The following CTNNBL1 variants were observed in gnomAD, a reference collection of about 807,000 sequenced individuals.
CTNNBL1 encodes the protein beta-catenin-like protein 1.
In CTNNBL1, 31 loss-of-function variants were observed where a neutral mutation model predicts 72.7. The ratio of observed to expected loss-of-function variants is 0.43; its 90% CI spans 0.32 to 0.58. CTNNBL1 has a LOEUF of 0.58. Among genes scored for constraint, CTNNBL1 ranks in the 20% least tolerant of loss-of-function variants. The probability of loss-of-function intolerance (pLI) is 0.08; values close to 1 mark genes in which losing one functional copy is unlikely to be tolerated. For synonymous variants in CTNNBL1, 240 were observed against 267.3 expected, an observed-to-expected ratio of 0.90 and a Z score of 1.00; for missense variants, 534 against 725.1, an observed-to-expected ratio of 0.74 and a Z score of 3.03.
At chr20:37,704,046 G>A (rs1480461387) in intron 1 of CTNNBL1, among the ~76,000 whole-genome samples, 1 of 152,084 alleles carries the variant, frequency 6.6e-6, no homozygotes, top group Admixed American at 6.6e-5. Context: ...CAAAGTGCTG[G>A]GATTACAGGC....
At chr20:37,779,370 T>C in intron 10 of CTNNBL1, 35 bp downstream of exon 10, 1 of 1,605,684 alleles carries the variant, frequency 6.2e-7, no homozygotes, top group Non-Finnish European at 8.5e-7. Context: ...CCCACCTTTT[T>C]TGCCTGACTT....
chr20:37,754,503 A>G (rs2073347164), intron 4 of CTNNBL1, among the ~76,000 whole-genome samples: 1 of 152,178 alleles, frequency 6.6e-6, no homozygotes, highest in Non-Finnish European at 1.5e-5. Flanking sequence ...TGCATATTAA[A>G]TAAGCATTTG....
chr20:37,776,305 G>A (rs238300), intron 7 of CTNNBL1, among the ~76,000 whole-genome samples: 78,483 of 152,078 alleles, frequency 0.52, 22,922 homozygotes, highest in East Asian at 0.83. Flanking sequence ...AAACTGAAAT[G>A]ATACTGAATA....
At chr20:37,746,842 T>C (rs1233725853) in intron 4 of CTNNBL1, among the ~76,000 whole-genome samples, 1 of 152,266 alleles carries the variant, frequency 6.6e-6, no homozygotes, top group East Asian at 1.9e-4. Context: ...TATTTGCTCT[T>C]ATTAGTACTA....
chr20:37,747,217 A>G (rs781124634), intron 4 of CTNNBL1, among the ~76,000 whole-genome samples: 3 of 152,062 alleles, frequency 2.0e-5, no homozygotes, highest in Non-Finnish European at 4.4e-5. Context: ...ATCTCTAAAA[A>G]TATAAAAATT....
chr20:37,822,127 G>T (rs1000239139), intron 11 of CTNNBL1, among the ~76,000 whole-genome samples: 2 of 152,188 alleles, frequency 1.3e-5, no homozygotes, highest in African/African-American at 2.4e-5. Flanking sequence ...TGTATTTTCT[G>T]CTTCCTGTGC....
intron 4 of CTNNBL1, among the ~76,000 whole-genome samples, chr20:37,756,847 A>G (rs561367334): frequency 1.5e-4 from 23 of 150,728 alleles, no homozygotes; most frequent in South Asian, 6.3e-4. Flanking sequence ...AGGTCTCACT[A>G]TGTTGCCCAG....
intron 1 of CTNNBL1, among the ~76,000 whole-genome samples, chr20:37,707,384 C>G (rs559010820): frequency 3.7e-4 from 56 of 152,338 alleles, no homozygotes; most frequent in African/African-American, 1.2e-3. Flanking sequence ...TTCTGACTAA[C>G]TTGCTGCAGC....
chr20:37,830,981 C>T (rs2072204173), intron 11 of CTNNBL1, among the ~76,000 whole-genome samples: 1 of 152,160 alleles, frequency 6.6e-6, no homozygotes. Flanking sequence ...AAATCAGGAA[C>T]CATCTGTATT....
At chr20:37,870,957 G>C (rs1334715150) in intron 15 of CTNNBL1, among the ~76,000 whole-genome samples, 1 of 152,152 alleles carries the variant, frequency 6.6e-6, no homozygotes, top group East Asian at 1.9e-4. Context: ...GATACTCCCT[G>C]CTGACAGCCA....
intron 15 of CTNNBL1, among the ~76,000 whole-genome samples, chr20:37,863,676 G>A (rs1481668692): frequency 6.6e-6 from 1 of 152,114 alleles, no homozygotes; most frequent in Non-Finnish European, 1.5e-5. Context: ...GGGCTCCTGA[G>A]TTCTCCTAGG....
intron 2 of CTNNBL1, among the ~76,000 whole-genome samples, chr20:37,733,553 A>G (rs1600451738): frequency 6.6e-6 from 1 of 152,164 alleles, no homozygotes; most frequent in East Asian, 1.9e-4. Flanking sequence ...GTTCCTCAAG[A>G]TGCGTTGGGG....
chr20:37,846,495 A>G (rs1435791068), intron 13 of CTNNBL1, among the ~76,000 whole-genome samples: 1 of 152,130 alleles, frequency 6.6e-6, no homozygotes, highest in Non-Finnish European at 1.5e-5. Context: ...TTGAGAAGTT[A>G]TGTATGTAGG....
rs78125581 is a variant in CTNNBL1, at chr20:37,808,167, G to A, written c.1213+5119G>A. Among the ~76,000 whole-genome samples the A allele has an allele frequency of 3.5e-3, 540 of 152,278 alleles. 3 individuals carry two copies. Among genetic ancestry groups the A allele is most frequent in the African/African-American group, 0.012 (511 of 41,542 alleles). On this transcript the variant is annotated intron_variant, in intron 11 of 15. Coordinates refer to ENST00000361383, the MANE Select transcript of CTNNBL1 (RefSeq NM_030877.5). ...CATTTTTACCTTTTCAGCAGTGACA[G>A]CAGTTGGTAATAGGTCAGTGCTTTA...
intron 10 of CTNNBL1, among the ~76,000 whole-genome samples, chr20:37,789,357 A>T (rs2073704926): frequency 6.6e-6 from 1 of 152,256 alleles, no homozygotes; most frequent in African/African-American, 2.4e-5. Context: ...GTCTTTGGTG[A>T]GCAGCAGAAG....
chr20:37,761,603 T>C (rs901001440), intron 5 of CTNNBL1, among the ~76,000 whole-genome samples: 1 of 152,250 alleles, frequency 6.6e-6, no homozygotes, highest in African/African-American at 2.4e-5. Context: ...GTGTTCCTGA[T>C]TGTAGGAACC....
intron 3 of CTNNBL1, among the ~76,000 whole-genome samples, chr20:37,745,228 C>T (rs996675279): frequency 6.6e-6 from 1 of 152,146 alleles, no homozygotes; most frequent in African/African-American, 2.4e-5. Flanking sequence ...CTTACCGACT[C>T]CAGATTTTTG....
intron 1 of CTNNBL1, among the ~76,000 whole-genome samples, chr20:37,716,111 CT>C (rs751129314): frequency 1.3e-5 from 2 of 152,048 alleles, no homozygotes; most frequent in Non-Finnish European, 2.9e-5. Flanking sequence ...TTTTATTCTA[CT>C]GTTTATGTAT....
intron 1 of CTNNBL1, among the ~76,000 whole-genome samples, chr20:37,708,089 G>C (rs1040751014): frequency 1.3e-5 from 2 of 152,018 alleles, no homozygotes; most frequent in African/African-American, 4.8e-5. Flanking sequence ...TAGCAGATAT[G>C]ATAATAATGA....
Sources: gnomAD v4.1 joint callset for allele counts (sites outside exome capture counted in the v4.1 genomes callset) on GRCh38, gnomAD v4.1.1 for gene constraint, MANE v1.5 for transcripts, NCBI Gene and HGNC (gene_info 2026-07-23, HGNC 2026-07-21) for gene names.